The following DLG1 variants were observed in gnomAD, a reference collection of about 807,000 sequenced individuals.
The protein encoded by DLG1 is disks large homolog 1.
In DLG1, 42 loss-of-function variants were observed where a neutral mutation model predicts 123.4. The ratio of observed to expected loss-of-function variants is 0.34; its 90% CI spans 0.27 to 0.44. The LOEUF is 0.44. Ranked by LOEUF, DLG1 falls within the 20% of genes least tolerant of loss-of-function variation. The probability of loss-of-function intolerance (pLI) is 1.00; values close to 1 mark genes in which losing one functional copy is unlikely to be tolerated. For synonymous variants in DLG1, 317 were observed against 356.2 expected (o/e 0.89, Z 1.24); for missense variants, 942 against 1,082.6 (o/e 0.87, Z 1.82).
chr3:197,223,470 A>G (rs946133575), intron 4 of DLG1, among the ~76,000 whole-genome samples: 2 of 152,250 alleles, frequency 1.3e-5, no homozygotes, highest in Non-Finnish European at 2.9e-5. Flanking sequence ...TTTTAAAGAT[A>G]CTTAATTTCC....
chr3:197,161,283 G>A (rs932174432), intron 5 of DLG1, among the ~76,000 whole-genome samples: 1 of 152,036 alleles, frequency 6.6e-6, no homozygotes, highest in Non-Finnish European at 1.5e-5. Context: ...ATGATACATT[G>A]GTACAAGATC....
Position 197,298,576 on chromosome 3 carries a change from C to T in DLG1, c.-72G>A, listed in dbSNP as rs1044237760. 2.5e-6 allele frequency: 1 copy of T among 398,590 alleles called. No homozygotes were observed. The highest frequency in any genetic ancestry group is 2.1e-5 in the African/African-American group (1 of 48,618). The allele number at this position is 398,590 out of a possible 1,614,324, so 24.7% of individuals were successfully genotyped here. ...CCTCACTCAGCAGTGCCGTTTCCAA[C>T]TCCGCGGCAGAGACAGCGCCTGGCG... On this transcript the variant is annotated 5_prime_UTR_variant, in exon 1 of 25. Transcript: ENST00000667157.
intron 6 of DLG1, among the ~76,000 whole-genome samples, chr3:197,143,083 T>G (rs530426493): frequency 6.6e-6 from 1 of 152,342 alleles, no homozygotes; most frequent in East Asian, 1.9e-4. Flanking sequence ...GTTTCTGATT[T>G]GAACACCTTA....
chr3:197,209,325 A>G (rs151338047), intron 4 of DLG1, among the ~76,000 whole-genome samples: 5 of 146,960 alleles, frequency 3.4e-5, no homozygotes, highest in African/African-American at 1.2e-4. Flanking sequence ...TAAAAATTTA[A>G]TTCACCAGGA....
intron 4 of DLG1, among the ~76,000 whole-genome samples, chr3:197,219,794 T>A (rs1393134822): frequency 6.6e-6 from 1 of 152,106 alleles, no homozygotes; most frequent in African/African-American, 2.4e-5. Context: ...GGTGGCCATC[T>A]GCAAGCTGAG....
At chr3:197,156,102 A>C (rs1388663360) in intron 5 of DLG1, among the ~76,000 whole-genome samples, 1 of 152,234 alleles carries the variant, frequency 6.6e-6, no homozygotes, top group African/African-American at 2.4e-5. Flanking sequence ...ACGCATTAAA[A>C]ATTACTAGTT....
At chr3:197,161,263 G>A (rs1170847556) in intron 5 of DLG1, among the ~76,000 whole-genome samples, 1 of 152,052 alleles carries the variant, frequency 6.6e-6, no homozygotes, top group Non-Finnish European at 1.5e-5. Context: ...GAAACAAAGT[G>A]TTAAATAAAA....
intron 3 of DLG1, among the ~76,000 whole-genome samples, chr3:197,287,212 C>G (rs560833737): frequency 1.3e-5 from 2 of 152,132 alleles, no homozygotes; most frequent in African/African-American, 4.8e-5. Flanking sequence ...GATATGGGAA[C>G]TGTACTTTCC....
chr3:197,198,879 T>C (rs1180626185), intron 4 of DLG1, among the ~76,000 whole-genome samples: 3 of 152,174 alleles, frequency 2.0e-5, no homozygotes, highest in Non-Finnish European at 4.4e-5. Context: ...CTCAAAAGGT[T>C]ACATGAAGTA....
chr3:197,248,672 T>A (rs1752938614), intron 4 of DLG1, among the ~76,000 whole-genome samples: 1 of 152,198 alleles, frequency 6.6e-6, no homozygotes, highest in African/African-American at 2.4e-5. Flanking sequence ...GACCACACAA[T>A]CTAAACTGAT....
intron 4 of DLG1, chr3:197,260,550 A>C (rs1758874171): frequency 6.2e-6 from 1 of 162,568 alleles, no homozygotes; most frequent in South Asian, 1.5e-4. Context: ...ATTATCCCAC[A>C]AAACACTGTG....
At chr3:197,211,667 T>G (rs1325963555) in intron 4 of DLG1, among the ~76,000 whole-genome samples, 2 of 146,436 alleles carry the variant, frequency 1.4e-5, no homozygotes. Context: ...GGAGTACAAA[T>G]GGGTTCAACC....
rs746948471 is a variant in DLG1, at chr3:197,090,927, C to T, written c.1646G>A (p.Arg549Gln). The T allele has an allele frequency of 4.0e-5, 64 of 1,600,660 alleles. No homozygotes were observed. The Admixed American group carries it at 4.0e-4, about 10-fold the overall frequency. ...GSGSLRTSQK[R>Q]SLYVRALFDY... ...AAAAATTTACCTGACATAGAGGGATCGCTTCTGGCTAGTTCGAAGAGAACC... is the reference window on the plus strand; with the variant it reads ...AAAAATTTACCTGACATAGAGGGATTGCTTCTGGCTAGTTCGAAGAGAACC... The change falls in exon 15 of 25, where the codon CGA (arginine) becomes CAA (glutamine). Residue 549 changes from arginine (R) to glutamine (Q), a missense_variant. By Grantham distance (43) the Arg-to-Gln change is conservative. Coordinates refer to ENST00000667157, the MANE Select transcript of DLG1 (RefSeq NM_001366207.1).
chr3:197,297,893 G>A (rs1778290017), intron 1 of DLG1: 2 of 982,816 alleles, frequency 2.0e-6, no homozygotes, highest in Non-Finnish European at 2.4e-6. Flanking sequence ...ACGTACCCCC[G>A]CCCCGCCCGG....
At chr3:197,294,010 T>C (rs1776181814) in intron 3 of DLG1, 1 of 152,542 alleles carries the variant, frequency 6.6e-6, no homozygotes, top group South Asian at 2.1e-4. Context: ...GTTTACAAGC[T>C]TAAAGTACAT....
chr3:197,105,297 A>G (rs184674429), intron 13 of DLG1, among the ~76,000 whole-genome samples: 139 of 152,340 alleles, frequency 9.1e-4, no homozygotes, highest in African/African-American at 3.2e-3. Flanking sequence ...CCTTAATTTG[A>G]GAACCTGAAA....
chr3:197,266,206 T>C (rs1173195774), intron 4 of DLG1, among the ~76,000 whole-genome samples: 1 of 151,720 alleles, frequency 6.6e-6, no homozygotes, highest in African/African-American at 2.4e-5. Flanking sequence ...ATCCAAATTA[T>C]CAAGCATGTA....
At chr3:197,187,669 T>TC (rs1716884337) in intron 5 of DLG1, among the ~76,000 whole-genome samples, 2 of 152,174 alleles carry the variant, frequency 1.3e-5, no homozygotes, top group Non-Finnish European at 2.9e-5. Flanking sequence ...CCTACTGTCC[T>TC]CCCTGTTGCT....
chr3:197,090,804 C>A, intron 15 of DLG1, 108 bp downstream of exon 15: 1 of 584,658 alleles, frequency 1.7e-6, no homozygotes, highest in Non-Finnish European at 3.0e-6. Context: ...CACTGATTGG[C>A]AATATATTTT....
Sources: allele counts gnomAD v4.1 joint callset (sites outside exome capture counted in the v4.1 genomes callset), GRCh38; gene constraint gnomAD v4.1.1; transcripts MANE v1.5; gene names NCBI Gene and HGNC (gene_info 2026-07-23, HGNC 2026-07-21).